DMXL1: variants seen among roughly 807,000 people sequenced by gnomAD.
DMXL1 encodes Dmx like 1.
DMXL1 carries 99 observed loss-of-function variants against 319.2 expected under a neutral mutation model. That is an observed-to-expected ratio of 0.31 (90% CI 0.26 to 0.37). The LOEUF is 0.37. Ranked by LOEUF, DMXL1 falls within the 10% of genes least tolerant of loss-of-function variation. The pLI, the probability that DMXL1 is intolerant of heterozygous loss-of-function variation, is 1.00. For missense variants in DMXL1, 3,745 were observed against 3,595.6 expected, an observed-to-expected ratio of 1.04 and a Z score of -1.06; for synonymous variants, 1,385 against 1,235.2, an observed-to-expected ratio of 1.12 and a Z score of -2.54.
At chr5:119,232,236 G>A (rs1403896172) in intron 38 of DMXL1, among the ~76,000 whole-genome samples, 3 of 152,170 alleles carry the variant, frequency 2.0e-5, no homozygotes, top group Admixed American at 6.6e-5. Context: ...AGCTATGCAA[G>A]CGCATTGGGG....
intron 34 of DMXL1, among the ~76,000 whole-genome samples, chr5:119,207,505 A>G (rs1353306609): frequency 6.6e-6 from 1 of 152,114 alleles, no homozygotes; most frequent in Non-Finnish European, 1.5e-5. Flanking sequence ...GTGATTGCAT[A>G]TTCAACTATG....
intron 41 of DMXL1, among the ~76,000 whole-genome samples, chr5:119,239,763 C>T (rs1788412970): frequency 1.3e-5 from 2 of 151,964 alleles, no homozygotes; most frequent in African/African-American, 4.8e-5. Flanking sequence ...TGAGTCCAGC[C>T]TGGGCAACAT....
intron 31 of DMXL1, 97 bp from the exon 32 acceptor site, chr5:119,197,656 TCC>T: frequency 9.5e-7 from 1 of 1,053,306 alleles, no homozygotes; most frequent in Non-Finnish European, 1.4e-6. Context: ...TTTTTTTTTT[TCC>T]TGCATCTGCT....
At chr5:119,173,776 G>GTGTATGTATATATATATATATATATATA in intron 25 of DMXL1, among the ~76,000 whole-genome samples, 1 of 67,172 alleles carries the variant, frequency 1.5e-5, no homozygotes, top group African/African-American at 5.6e-5. Flanking sequence ...ATGTGTGTGT[G>GTGTATGTATATATATATATATATATATA]TATATATATA....
intron 4 of DMXL1, among the ~76,000 whole-genome samples, chr5:119,109,914 G>GC (rs746203910): frequency 2.7e-4 from 41 of 152,120 alleles, no homozygotes; most frequent in Non-Finnish European, 4.6e-4. Context: ...CTAGCACAGT[G>GC]CCCGGGACAA....
In DMXL1 at chr5:119,146,347, G is replaced by A. The variant is rs1208230774; in HGVS notation, c.2570-490G>A. Among the ~76,000 whole-genome samples, 5 of 151,926 alleles carry A rather than the reference G, an allele frequency of 3.3e-5. No homozygotes were observed. In the East Asian group the frequency reaches 5.8e-4, roughly 18 times the overall value. On this transcript the variant is annotated intron_variant, in intron 15 of 43. Transcript: ENST00000539542. ...AAGATATGTTTATTTTGAGCAACTC[G>A]TGTGCTGTTTATGCAATTTGGGAGA... is the stretch of plus-strand genomic sequence containing the variant.
At chr5:119,151,442 T>C (rs1006249008) in intron 18 of DMXL1, among the ~76,000 whole-genome samples, 2 of 152,212 alleles carry the variant, frequency 1.3e-5, no homozygotes, top group African/African-American at 4.8e-5. Flanking sequence ...TTTAGAGATA[T>C]TACTAGTAGA....
intron 28 of DMXL1, among the ~76,000 whole-genome samples, chr5:119,181,163 G>T (rs1172623248): frequency 6.6e-6 from 1 of 152,066 alleles, no homozygotes; most frequent in Non-Finnish European, 1.5e-5. Context: ...AAATTATTTT[G>T]GGGGGGCCAT....
Position 119,149,001 on chromosome 5 carries a change from A to C in DMXL1, c.3174A>C (p.Ala1058=), listed in dbSNP as rs1334132256. The change falls in exon 18 of 44, where the codon GCA becomes GCC. Residue 1058 remains alanine (A), a synonymous_variant. Coordinates refer to ENST00000539542, the MANE Select transcript of DMXL1 (RefSeq NM_001290321.3). ...EVSCAHTNRL[A]VAYKQPASNS... is the part of the protein sequence containing the mutation. ...GCTGTGCACATACAAATCGTTTAGC[A>C]GTAGCTTATAAGCAGCCTGCATCTA... The C allele has an allele frequency of 6.2e-7, 1 of 1,613,840 alleles. No individual in the cohort carries two copies. Among genetic ancestry groups the C allele is most frequent in the African/African-American group, 1.3e-5 (1 of 74,924 alleles).
intron 3 of DMXL1, among the ~76,000 whole-genome samples, chr5:119,103,591 A>C (rs1159190730): frequency 2.0e-5 from 3 of 152,130 alleles, no homozygotes; most frequent in Non-Finnish European, 4.4e-5. Flanking sequence ...GTTAATTGAT[A>C]TTTATCTTTA....
At chr5:119,138,662 A>G (rs779031087) in intron 13 of DMXL1, among the ~76,000 whole-genome samples, 4 of 152,096 alleles carry the variant, frequency 2.6e-5, no homozygotes, top group Non-Finnish European at 5.9e-5. Context: ...AACATGGTGA[A>G]ACCCCATCTA....
intron 7 of DMXL1, among the ~76,000 whole-genome samples, chr5:119,118,109 CTTTTA>C (rs1435067092): frequency 6.6e-6 from 1 of 152,036 alleles, no homozygotes; most frequent in Non-Finnish European, 1.5e-5. Flanking sequence ...TTGATTTTTG[CTTTTA>C]TTTTAAGGAG....
chr5:119,215,950 G>C (rs971000086), intron 34 of DMXL1, among the ~76,000 whole-genome samples: 1 of 151,738 alleles, frequency 6.6e-6, no homozygotes, highest in Non-Finnish European at 1.5e-5. Flanking sequence ...ACAAAACTTA[G>C]CCCGGTGTGG....
At chr5:119,122,954 G>GGC (rs1762538715) in intron 9 of DMXL1, among the ~76,000 whole-genome samples, 1 of 152,182 alleles carries the variant, frequency 6.6e-6, no homozygotes, top group Non-Finnish European at 1.5e-5. Flanking sequence ...AAGGCAGGCA[G>GGC]CTGGGAGGTG....
Position 119,238,991 on chromosome 5 carries a change from T to A in DMXL1, c.8562T>A (p.Thr2854=). Residue 2854 remains threonine, a splice_region_variant and synonymous_variant, in exon 41 of 44, where the codon ACT becomes ACA. Transcript: ENST00000539542. The stretch of plus-strand genomic sequence containing the variant: ...CGTATTGTTTGTAACCATTCCAGAC[T>A]TGGCAGTGTCATAACAAAACAGCCA... ...VTGSMPKPYL[T]WQCHNKTAND... is the part of the protein sequence containing the mutation. The A allele has an allele frequency of 6.2e-7, 1 of 1,613,734 alleles. No homozygotes were observed. The highest frequency in any genetic ancestry group is 1.1e-5 in the South Asian group (1 of 91,076).
intron 13 of DMXL1, 115 bp from the exon 14 acceptor site, chr5:119,143,726 A>G: frequency 1.6e-6 from 1 of 611,454 alleles, no homozygotes. Flanking sequence ...AAGGGACTAT[A>G]TTTAGGCCCA....
chr5:119,196,994 T>G (rs1251639328), intron 31 of DMXL1, among the ~76,000 whole-genome samples: 2 of 152,152 alleles, frequency 1.3e-5, no homozygotes, highest in Non-Finnish European at 2.9e-5. Context: ...TTTCTAAAAT[T>G]GAAAAATTAA....
Position 119,171,864 on chromosome 5 carries a change from A to G in DMXL1, c.6576A>G (p.Thr2192=), listed in dbSNP as rs1774639043. 6.2e-7 allele frequency: 1 copy of G among 1,613,868 alleles called. No individual in the cohort carries two copies. Among genetic ancestry groups the G allele is most frequent in the Non-Finnish European group, 8.5e-7 (1 of 1,179,908 alleles). ...TTGCTTGTACAGCCAATGCCAAAAC[A>G]GTAGTTGCCAATCCATTATTGCACC... ...LLFACTANAK[T]VVANPLLHLS... The change falls in exon 25 of 44, where the codon ACA becomes ACG. Residue 2192 remains threonine, a synonymous_variant. Transcript: ENST00000539542.
chr5:119,145,575 A>G (rs962108876), intron 15 of DMXL1, among the ~76,000 whole-genome samples: 4 of 151,784 alleles, frequency 2.6e-5, no homozygotes, highest in Admixed American at 6.6e-5. Flanking sequence ...ATTAATGAAC[A>G]TGTTAATATT....
Sources: allele counts gnomAD v4.1 joint callset (sites outside exome capture counted in the v4.1 genomes callset), GRCh38; gene constraint gnomAD v4.1.1; transcripts MANE v1.5; gene names NCBI Gene and HGNC (gene_info 2026-07-23, HGNC 2026-07-21).